The following SPON1 variants were observed in gnomAD, a reference collection of about 807,000 sequenced individuals.
SPON1 encodes the protein spondin-1.
Under a neutral mutation model 111.7 loss-of-function variants are expected in SPON1, and 52 were observed. The observed-to-expected ratio is 0.47, with a 90% CI of 0.37 to 0.59. SPON1 has a LOEUF of 0.59. Ranked by LOEUF, SPON1 falls within the 20% of genes least tolerant of loss-of-function variation. The pLI is 0.00. For synonymous variants in SPON1, 410 were observed against 395.8 expected (o/e 1.04, Z -0.43); for missense variants, 957 against 1,068.5 (o/e 0.90, Z 1.46).
At chr11:14,172,502 A>C in intron 6 of SPON1, among the ~76,000 whole-genome samples, 1 of 151,608 alleles carries the variant, frequency 6.6e-6, no homozygotes, top group South Asian at 2.1e-4. Flanking sequence ...ATTTAAGGTT[A>C]ATATTGTTAT....
chr11:14,078,372 T>A (rs1848934619), intron 4 of SPON1, among the ~76,000 whole-genome samples: 1 of 152,198 alleles, frequency 6.6e-6, no homozygotes, highest in Non-Finnish European at 1.5e-5. Context: ...AGACTATTGC[T>A]GCCTCATTTA....
intron 3 of SPON1, among the ~76,000 whole-genome samples, chr11:14,070,637 T>C (rs1409966278): frequency 6.6e-6 from 1 of 152,156 alleles, no homozygotes; most frequent in African/African-American, 2.4e-5. Context: ...GATCCAGGTA[T>C]ATTTTTTAAG....
intron 5 of SPON1, among the ~76,000 whole-genome samples, chr11:14,104,801 G>T (rs1320352651): frequency 6.6e-6 from 1 of 151,960 alleles, no homozygotes; most frequent in African/African-American, 2.4e-5. Flanking sequence ...GTCAGTGCTG[G>T]TCCATTAGTG....
chr11:14,260,448 T>C, intron 13 of SPON1, 140 bp from the exon 14 acceptor site: 1 of 839,600 alleles, frequency 1.2e-6, no homozygotes, highest in Middle Eastern at 2.6e-4. Flanking sequence ...TAGATTTCAC[T>C]CTTATTTGAA....
intron 5 of SPON1, among the ~76,000 whole-genome samples, chr11:14,114,477 C>T (rs1028617255): frequency 2.0e-5 from 3 of 152,204 alleles, no homozygotes; most frequent in Non-Finnish European, 4.4e-5. Flanking sequence ...TTGGCCTGTT[C>T]CAGCTTAATC....
intron 6 of SPON1, among the ~76,000 whole-genome samples, chr11:14,197,519 A>G (rs1448257786): frequency 6.6e-6 from 1 of 151,354 alleles, no homozygotes; most frequent in African/African-American, 2.4e-5. Flanking sequence ...AAATAAATAA[A>G]TAAACAAGTG....
intron 5 of SPON1, among the ~76,000 whole-genome samples, chr11:14,129,115 A>C (rs1036457155): frequency 1.3e-5 from 2 of 152,124 alleles, no homozygotes; most frequent in African/African-American, 4.8e-5. Flanking sequence ...CATTGTCTTG[A>C]CTATTAACAT....
Position 14,009,592 on chromosome 11 carries a change from A to T in SPON1, c.345+26639A>T, listed in dbSNP as rs150183451. Among the ~76,000 whole-genome samples, 583 of 152,342 alleles carry T rather than the reference A, an allele frequency of 3.8e-3. 3 individuals are homozygous for T. The highest frequency in any genetic ancestry group is 0.013 in the African/African-American group (532 of 41,584). ...ATTTCCCAGTAAGAACTGTGTTCAT[A>T]TTTGGTGACTATTTGATTCATGTCT... On this transcript the variant is annotated intron_variant, in intron 2 of 15. Coordinates refer to ENST00000576479, the MANE Select transcript of SPON1 (RefSeq NM_006108.4).
At chr11:14,091,759 C>G (rs1296934865) in intron 5 of SPON1, among the ~76,000 whole-genome samples, 6 of 152,196 alleles carry the variant, frequency 3.9e-5, no homozygotes, top group Non-Finnish European at 7.3e-5. Flanking sequence ...CCTTGGCCAG[C>G]CCAGAAAGGG....
chr11:14,243,533 T>C (rs888636617), intron 7 of SPON1, 137 bp downstream of exon 7: 1 of 742,930 alleles, frequency 1.3e-6, no homozygotes. Context: ...CAAGATGCTT[T>C]CTATGTGCAG....
At chr11:14,036,991 A>T (rs1473551998) in intron 2 of SPON1, among the ~76,000 whole-genome samples, 1 of 152,128 alleles carries the variant, frequency 6.6e-6, no homozygotes, top group Non-Finnish European at 1.5e-5. Flanking sequence ...AATAAGTGGG[A>T]GGTGAAGGGA....
At chr11:14,205,359 A>G (rs1848506894) in intron 6 of SPON1, among the ~76,000 whole-genome samples, 2 of 152,156 alleles carry the variant, frequency 1.3e-5, no homozygotes, top group African/African-American at 4.8e-5. Context: ...AGGGCCTGGT[A>G]TGCTGTGGGC....
At chr11:14,007,359 C>T (rs1449996653) in intron 2 of SPON1, among the ~76,000 whole-genome samples, 1 of 152,198 alleles carries the variant, frequency 6.6e-6, no homozygotes, top group Non-Finnish European at 1.5e-5. Flanking sequence ...CAAGGAGAGC[C>T]AGTCCAAGTC....
In SPON1 at chr11:14,079,770, G is replaced by T. The variant is rs536318819; in HGVS notation, c.554-129G>T. 8.9e-5 allele frequency: 84 copies of T among 948,444 alleles called. No individual in the cohort carries two copies. In the East Asian group the frequency reaches 2.0e-3, roughly 22 times the overall value. 58.8% of individuals were successfully genotyped at this position (948,444 alleles called of 1,614,324 possible). ...TGCCCAAGTACTGATCTGGCTCTAAGTCTTATTAACTAATGAAAGCTGCAT... is the reference window on the plus strand; with the variant it reads ...TGCCCAAGTACTGATCTGGCTCTAATTCTTATTAACTAATGAAAGCTGCAT... On this transcript the variant is annotated intron_variant, in intron 4 of 15. Coordinates refer to ENST00000576479, the MANE Select transcript of SPON1 (RefSeq NM_006108.4).
chr11:13,999,723 A>G (rs1554912257), intron 2 of SPON1, among the ~76,000 whole-genome samples: 1 of 152,118 alleles, frequency 6.6e-6, no homozygotes, highest in African/African-American at 2.4e-5. Context: ...ATCACTTTCT[A>G]TCACACCTGA....
intron 5 of SPON1, among the ~76,000 whole-genome samples, chr11:14,083,430 C>T (rs955004528): frequency 2.3e-4 from 35 of 152,300 alleles, no homozygotes; most frequent in Admixed American, 1.9e-3. Context: ...TTTGATCCTA[C>T]ACCAGAACTC....
At chr11:14,252,800 T>A (rs1202218467) in intron 7 of SPON1, among the ~76,000 whole-genome samples, 1 of 152,332 alleles carries the variant, frequency 6.6e-6, no homozygotes, top group East Asian at 1.9e-4. Context: ...GAAAGATGAG[T>A]GGGCCCAGCA....
intron 6 of SPON1, among the ~76,000 whole-genome samples, chr11:14,172,636 G>T (rs1289074280): frequency 2.6e-5 from 4 of 151,944 alleles, no homozygotes; most frequent in African/African-American, 4.8e-5. Context: ...GGTACCAGTT[G>T]TTCCTTTCCA....
intron 5 of SPON1, among the ~76,000 whole-genome samples, chr11:14,089,865 A>G (rs2133837307): frequency 6.6e-6 from 1 of 152,292 alleles, no homozygotes; most frequent in Non-Finnish European, 1.5e-5. Context: ...GGAGGAATCT[A>G]GAAAGGCAGT....
Sources: gnomAD v4.1 joint callset for allele counts (sites outside exome capture counted in the v4.1 genomes callset) on GRCh38, gnomAD v4.1.1 for gene constraint, MANE v1.5 for transcripts, NCBI Gene and HGNC (gene_info 2026-07-23, HGNC 2026-07-21) for gene names.